INPPL1: variants seen among roughly 807,000 people sequenced by gnomAD.
INPPL1 encodes the protein phosphatidylinositol 3,4,5-trisphosphate 5-phosphatase 2.
A neutral mutation model predicts 139.3 loss-of-function variants in INPPL1; 91 were observed. The observed-to-expected ratio is 0.65, with a 90% CI of 0.55 to 0.78. INPPL1 has a LOEUF of 0.78. Among genes scored for constraint, INPPL1 ranks in the 30% least tolerant of loss-of-function variants. The pLI is 0.00. For synonymous variants in INPPL1, 719 were observed against 686.6 expected, an observed-to-expected ratio of 1.05 and a Z score of -0.74; for missense variants, 1,411 against 1,665.6, an observed-to-expected ratio of 0.85 and a Z score of 2.66.
chr11:72,230,065 A>G (rs776507450), intron 8 of INPPL1, 46 bp downstream of exon 8: 8 of 1,613,952 alleles, frequency 5.0e-6, no homozygotes, highest in Non-Finnish European at 1.7e-6. Flanking sequence ...GTTGGAGGTG[A>G]CCAGGGTGCT....
chr11:72,237,353 G>A lies in INPPL1; in HGVS notation c.3109G>A (p.Gly1037Arg), dbSNP rs769026752. 1.2e-6 allele frequency: 2 copies of A among 1,613,974 alleles called. No individual in the cohort carries two copies. The highest frequency in any genetic ancestry group is 1.7e-5 in the Admixed American group (1 of 60,022). The part of the protein sequence containing the change: ...GHHRHPRVGE[G>R]SSSDEESGGT... ...CCACCGGCACCCTCGTGTGGGAGAG[G>A]GGAGTTCTTCAGATGAGGAGTCTGG... Residue 1037 changes from glycine to arginine, a missense_variant, in exon 26 of 28, where the codon GGG (glycine) becomes AGG (arginine). This residue lies in a region of INPPL1 where 438 missense variants were observed against 425.7 expected (regional missense o/e 1.03). Coordinates refer to ENST00000298229, the MANE Select transcript of INPPL1 (RefSeq NM_001567.4).
rs1194005652 is a variant in INPPL1, at chr11:72,238,026, T to C, written c.3553-16T>C. The C allele has an allele frequency of 6.5e-7, 1 of 1,527,148 alleles. No homozygotes were observed. The highest frequency in any genetic ancestry group is 2.1e-5 in the Admixed American group (1 of 47,322). 94.6% of individuals were successfully genotyped at this position (1,527,148 alleles called of 1,614,324 possible). The stretch of plus-strand genomic sequence containing the variant: ...GGGGGGCACTCAGCTCCCCCTGACA[T>C]GCCCTGTTTCCTTAGGCTCCGTGCC... On this transcript the variant is annotated splice_polypyrimidine_tract_variant and intron_variant, in intron 26 of 27. Transcript: ENST00000298229.
Position 72,224,903 on chromosome 11 carries a change from C to T in INPPL1, c.-82C>T, listed in dbSNP as rs1948623496. The T allele has an allele frequency of 3.1e-6, 3 of 964,224 alleles. No individual in the cohort carries two copies. Among genetic ancestry groups the T allele is most frequent in the Non-Finnish European group, 3.7e-6 (3 of 800,418 alleles). The allele number at this position is 964,224 out of a possible 1,614,324, so 59.7% of individuals were successfully genotyped here. The stretch of plus-strand genomic sequence containing the variant: ...GATCCTCAAGCCCGGGCCCCGGGCC[C>T]GGCCCCAGCCTCAGCCCTGAGCGTC... On this transcript the variant is annotated 5_prime_UTR_variant, in exon 1 of 28. Transcript: ENST00000298229.
At position 72,224,808 on chromosome 11, in the gene INPPL1, C is replaced by T; in HGVS notation, c.-177C>T. On this transcript the variant is annotated 5_prime_UTR_variant, in exon 1 of 28. Transcript: ENST00000298229. The stretch of plus-strand genomic sequence containing the variant: ...AGGCCGGCGCTGCAGGCAGCGGCGG[C>T]TGCGCGGTGAACGAGGCGGCCTGCG... 1 of 237,366 alleles carries T rather than the reference C, an allele frequency of 4.2e-6. No individual in the cohort carries two copies. The highest frequency in any genetic ancestry group is 7.1e-6 in the Non-Finnish European group (1 of 140,320). The allele number at this position is 237,366 out of a possible 1,614,324, so 14.7% of individuals were successfully genotyped here. A position where few individuals can be genotyped will look rare whatever the true frequency, so the allele number is the denominator to read the frequency against.
chr11:72,231,723 A>G (rs867222008), intron 13 of INPPL1, 108 bp downstream of exon 13: 152 of 781,364 alleles, frequency 1.9e-4, no homozygotes, highest in Middle Eastern at 3.6e-4. Context: ...TAGTTTCCCC[A>G]TATATAGGGT....
chr11:72,238,377 G>C lies in INPPL1; in HGVS notation c.*24G>C. 1 of 1,514,422 alleles carries C rather than the reference G, an allele frequency of 6.6e-7. No individual in the cohort carries two copies. 93.8% of individuals were successfully genotyped at this position (1,514,422 alleles called of 1,614,324 possible). ...GATAGCGGAGGCACCACGAAGCTGT[G>C]AACTCAGAGCCCCTCCCTGCTACCA... On this transcript the variant is annotated 3_prime_UTR_variant, in exon 28 of 28. Coordinates refer to ENST00000298229, the MANE Select transcript of INPPL1 (RefSeq NM_001567.4).
chr11:72,229,864 C>T (rs1194653377), intron 7 of INPPL1, 60 bp from the exon 8 acceptor site: 2 of 1,570,618 alleles, frequency 1.3e-6, no homozygotes, highest in East Asian at 4.5e-5. Flanking sequence ...TCAATTGTGT[C>T]CCTCCCTGCC....
chr11:72,237,207 T>C lies in INPPL1; in HGVS notation c.2963T>C (p.Val988Ala), dbSNP rs776719804. Residue 988 changes from valine to alanine, a missense_variant, in exon 26 of 28, where the codon GTC becomes GCC. Transcript: ENST00000298229. ...AGCTTCAATAACCCTGCCTACTACG[T>C]CCTTGAAGGGGTCCCGCACCAGCTG... ...KNSFNNPAYY[V>A]LEGVPHQLLP... is the part of the protein sequence containing the mutation. The C allele has an allele frequency of 1.2e-6, 2 of 1,613,866 alleles. No individual in the cohort carries two copies. The highest frequency in any genetic ancestry group is 1.7e-6 in the Non-Finnish European group (2 of 1,179,964).
chr11:72,231,425 C>T, intron 12 of INPPL1, 73 bp from the exon 13 acceptor site: 3 of 1,223,304 alleles, frequency 2.5e-6, no homozygotes, highest in Non-Finnish European at 3.6e-6. Context: ...ACACAAAAGT[C>T]TATTTATAGT....
At chr11:72,226,880 A>G (rs917136613) in intron 1 of INPPL1, among the ~76,000 whole-genome samples, 3 of 151,780 alleles carry the variant, frequency 2.0e-5, no homozygotes, top group Non-Finnish European at 4.4e-5. Context: ...GAGGAACATT[A>G]TTGTCCCAGG....
intron 4 of INPPL1, 21 bp from the exon 5 acceptor site, chr11:72,229,069 C>T: frequency 6.3e-7 from 1 of 1,593,694 alleles, no homozygotes; most frequent in South Asian, 1.1e-5. Flanking sequence ...CCTCCACTGA[C>T]TTCTTAACCC....
intron 1 of INPPL1, chr11:72,225,486 G>T: frequency 2.0e-6 from 2 of 985,400 alleles, no homozygotes; most frequent in Non-Finnish European, 2.4e-6. Flanking sequence ...AGGGAGCAGG[G>T]GAGAGGATGT....
chr11:72,228,578 C>T lies in INPPL1; in HGVS notation c.397+80C>T. The T allele has an allele frequency of 1.3e-6, 2 of 1,564,786 alleles. No individual in the cohort carries two copies. The highest frequency in any genetic ancestry group is 1.1e-5 in the South Asian group (1 of 88,664). ...CTCTTCCCATCCCCCCTTCTCAACC[C>T]CACCTCTCCTGTAACCCCCTTTCCC... is the stretch of plus-strand genomic sequence containing the variant. On this transcript the variant is annotated intron_variant, in intron 3 of 27. Coordinates refer to ENST00000298229, the MANE Select transcript of INPPL1 (RefSeq NM_001567.4). This position sits in a 1 kb window ranked among gnomAD's most constrained non-coding sequence, Gnocchi z 5.0.
rs1199020162 is a variant in INPPL1 at position 72,235,949 on chromosome 11, C to A, written c.2842C>A (p.Pro948Thr). The change falls in exon 25 of 28, where the codon CCC becomes ACC. Residue 948 changes from proline (P) to threonine (T), a missense_variant. Pro to Thr is a conservative substitution (Grantham distance 38). Transcript: ENST00000298229. This position sits in a 1 kb window ranked among gnomAD's most constrained non-coding sequence, Gnocchi z 4.9. ...ACCAACGGGGAGGCCCCCAGCCCCACCCCGAGCAGCTCCCCGGGAGGAGCC... is the reference window on the plus strand; with the variant it reads ...ACCAACGGGGAGGCCCCCAGCCCCAACCCGAGCAGCTCCCCGGGAGGAGCC... ...PPPTGRPPAP[P>T]RAAPREEPLT... is the part of the protein sequence containing the mutation. The A allele has an allele frequency of 2.5e-6, 4 of 1,609,034 alleles. No homozygotes were observed. Among genetic ancestry groups the A allele is most frequent in the Non-Finnish European group, 2.5e-6 (3 of 1,178,000 alleles).
At position 72,230,450 on chromosome 11, in the gene INPPL1, C is replaced by T. The variant is rs769465922; in HGVS notation, c.1179C>T (p.Phe393=). ...KEKDRTQRKD[F]IFVSARKREA... Reference sequence around the variant, plus strand: ...AGGACCGGACTCAGCGCAAGGACTTCATCTTTGTCAGTGCCCGGGTGAGCA... The same window carrying T: ...AGGACCGGACTCAGCGCAAGGACTTTATCTTTGTCAGTGCCCGGGTGAGCA... The change falls in exon 10 of 28, where the codon TTC becomes TTT. Residue 393 remains phenylalanine (F), a synonymous_variant. Coordinates refer to ENST00000298229, the MANE Select transcript of INPPL1 (RefSeq NM_001567.4). 1 of 1,613,884 alleles carries T rather than the reference C, an allele frequency of 6.2e-7. No individual in the cohort carries two copies. Among genetic ancestry groups the T allele is most frequent in the South Asian group, 1.1e-5 (1 of 91,066 alleles).
At position 72,237,289 on chromosome 11, in the gene INPPL1, C is replaced by A; in HGVS notation, c.3045C>A (p.Asn1015Lys). The part of the protein sequence containing the change: ...ARAPVPSATK[N>K]KVAITVPAPQ... ...CCCCTGTCCCATCTGCCACCAAGAACAAAGTGGCCATTACAGTGCCTGCTC... is the reference window on the plus strand; with the variant it reads ...CCCCTGTCCCATCTGCCACCAAGAAAAAAGTGGCCATTACAGTGCCTGCTC... Residue 1015 changes from asparagine (N) to lysine (K), a missense_variant, in exon 26 of 28, where the codon AAC (asparagine) becomes AAA (lysine). By Grantham distance (94) the Asn-to-Lys change is moderately conservative. Transcript: ENST00000298229. 1 of 1,614,064 alleles carries A rather than the reference C, an allele frequency of 6.2e-7. No homozygotes were observed. The highest frequency in any genetic ancestry group is 8.5e-7 in the Non-Finnish European group (1 of 1,180,026).
At chr11:72,233,922 A>G (rs1435864009) in intron 19 of INPPL1, among the ~76,000 whole-genome samples, 178 bp downstream of exon 19, 1 of 152,128 alleles carries the variant, frequency 6.6e-6, no homozygotes, top group Non-Finnish European at 1.5e-5. Flanking sequence ...GGCCATCACA[A>G]GAGTTGTGTG....
chr11:72,235,719 G>A lies in INPPL1; in HGVS notation c.2704G>A (p.Ala902Thr), dbSNP rs752815078. ...DKDEAGAKSK[A>T]PSVSRGSQEP... ...GGATGAGGCAGGAGCAAAGAGCAAA[G>A]CCCCCTCTGTGTCCCGAGGGAGCCA... Residue 902 changes from alanine to threonine, a missense_variant, in exon 24 of 28, where the codon GCC (alanine) becomes ACC (threonine). By Grantham distance (58) the Ala-to-Thr change is moderately conservative (BLOSUM62 0). Coordinates refer to ENST00000298229, the MANE Select transcript of INPPL1 (RefSeq NM_001567.4). The surrounding 1 kb of genome is among the most constrained non-coding windows in gnomAD (Gnocchi z 4.9). 6.2e-7 allele frequency: 1 copy of A among 1,614,118 alleles called. No homozygotes were observed. Among genetic ancestry groups the A allele is most frequent in the East Asian group, 2.2e-5 (1 of 44,874 alleles).
rs1023889121 is a variant in INPPL1 at position 72,235,616 on chromosome 11, G to A, written c.2660-59G>A. 12 of 1,591,954 alleles carry A rather than the reference G, an allele frequency of 7.5e-6. No individual in the cohort carries two copies. The highest frequency in any genetic ancestry group is 1.0e-5 in the Non-Finnish European group (12 of 1,161,940). On this transcript the variant is annotated intron_variant, in intron 23 of 27. Coordinates refer to ENST00000298229, the MANE Select transcript of INPPL1 (RefSeq NM_001567.4). This position sits in a 1 kb window ranked among gnomAD's most constrained non-coding sequence, Gnocchi z 4.9. ...TGGGAAAGGGCTGGCAGGCCCACTG[G>A]GTGTCTGTGGGATCCAGGAGCCCAG...
Sources: allele counts gnomAD v4.1 joint callset (sites outside exome capture counted in the v4.1 genomes callset), GRCh38; gene constraint gnomAD v4.1.1; regional missense constraint gnomAD v4.1.1; non-coding constraint Gnocchi (gnomAD v3.1); transcripts MANE v1.5; gene names NCBI Gene and HGNC (gene_info 2026-07-23, HGNC 2026-07-21).